Variants in ESRRG observed in about 807,000 individuals in gnomAD.
ESRRG encodes the protein estrogen related receptor gamma.
ESRRG carries 13 observed loss-of-function variants against 44.0 expected under a neutral mutation model. The observed-to-expected ratio is 0.30, with a 90% CI of 0.19 to 0.47. ESRRG has a LOEUF of 0.47. Ranked by LOEUF, ESRRG falls within the 20% of genes least tolerant of loss-of-function variation. The probability of loss-of-function intolerance (pLI) is 1.00; values close to 1 mark genes in which losing one functional copy is unlikely to be tolerated. For synonymous variants in ESRRG, 215 were observed against 214.6 expected (o/e 1.00, Z -0.02); for missense variants, 395 against 580.6 (o/e 0.68, Z 3.29).
intron 3 of ESRRG, among the ~76,000 whole-genome samples, chr1:216,611,702 T>C (rs115457596): frequency 0.021 from 3,216 of 152,040 alleles, 122 homozygotes; most frequent in African/African-American, 0.074. Flanking sequence ...GCCCAGAATC[T>C]ACCGGGGGAC....
At chr1:216,927,117 C>T (rs550343510) in intron 2 of ESRRG, among the ~76,000 whole-genome samples, 11 of 152,042 alleles carry the variant, frequency 7.2e-5, no homozygotes, top group Non-Finnish European at 1.3e-4. Flanking sequence ...AGAGTTCTGC[C>T]GTCTGATAAC....
chr1:216,639,055 A>T (rs534548085), intron 3 of ESRRG, among the ~76,000 whole-genome samples: 1 of 152,290 alleles, frequency 6.6e-6, no homozygotes, highest in South Asian at 2.1e-4. Flanking sequence ...AAATATACTA[A>T]TGATTATGAT....
chr1:217,094,058 A>C (rs937110718), upstream of ESRRG, among the ~76,000 whole-genome samples: 3 of 151,494 alleles, frequency 2.0e-5, no homozygotes, highest in Non-Finnish European at 2.9e-5. Context: ...ATTTTTTTAA[A>C]CTTTTTTGTA....
Position 216,677,490 on chromosome 1 carries a change from GC to G in ESRRG, c.57del (p.Glu19AspfsTer31). The part of the protein sequence containing the change: ...PESFSLHYEE[E>X]LLCRMSNKDR... Reference sequence around the variant, plus strand: ...TCTTTGTTTGACATTCTGCAGAGAAGCCTGAGATTGAGGAGATACAAAGAGA... The same window carrying G: ...TCTTTGTTTGACATTCTGCAGAGAAGCTGAGATTGAGGAGATACAAAGAGA... On this transcript the variant is annotated frameshift_variant and splice_region_variant, in exon 2 of 7. Coordinates refer to ENST00000408911, the MANE Select transcript of ESRRG (RefSeq NM_001438.4). LOFTEE classifies it high-confidence loss of function. The G allele has an allele frequency of 6.2e-7, 1 of 1,600,582 alleles. No individual in the cohort carries two copies. Among genetic ancestry groups the G allele is most frequent in the Non-Finnish European group, 8.5e-7 (1 of 1,171,900 alleles).
intron 5 of ESRRG, among the ~76,000 whole-genome samples, chr1:216,531,129 C>T (rs1034157142): frequency 2.6e-5 from 4 of 152,012 alleles, no homozygotes; most frequent in African/African-American, 2.4e-5. Flanking sequence ...CATGAAAGAA[C>T]GTAGAAGAAA....
chr1:216,947,498 T>C (rs1355240907), intron 1 of ESRRG, among the ~76,000 whole-genome samples: 2 of 152,180 alleles, frequency 1.3e-5, no homozygotes, highest in Non-Finnish European at 2.9e-5. Flanking sequence ...TCAGATGTAT[T>C]TTTTTCAGAA....
chr1:216,835,485 A>G (rs1476071393), intron 2 of ESRRG, among the ~76,000 whole-genome samples: 6 of 152,174 alleles, frequency 3.9e-5, no homozygotes, highest in African/African-American at 1.4e-4. Flanking sequence ...TTACAGGCGC[A>G]CACTCCCAAG....
At chr1:216,702,970 A>T (rs554928854) in intron 1 of ESRRG, among the ~76,000 whole-genome samples, 31 of 152,288 alleles carry the variant, frequency 2.0e-4, no homozygotes, top group African/African-American at 7.5e-4. Context: ...TATATCTTAA[A>T]TTTTAAAAAA....
intron 2 of ESRRG, among the ~76,000 whole-genome samples, chr1:216,869,908 G>T (rs1559929552): frequency 3.3e-5 from 5 of 151,890 alleles, no homozygotes; most frequent in Admixed American, 3.3e-4. Flanking sequence ...AACCTGAAAA[G>T]TTGCTAAATT....
At chr1:216,665,366 T>G (rs2073647907) in intron 2 of ESRRG, among the ~76,000 whole-genome samples, 1 of 152,144 alleles carries the variant, frequency 6.6e-6, no homozygotes, top group Non-Finnish European at 1.5e-5. Flanking sequence ...ATTCCATTTT[T>G]AAAAAGAAAT....
chr1:216,955,349 C>T (rs1413869016), intron 1 of ESRRG, among the ~76,000 whole-genome samples: 1 of 152,176 alleles, frequency 6.6e-6, no homozygotes, highest in African/African-American at 2.4e-5. Flanking sequence ...GGTTCATCCA[C>T]ATTGCTGTGA....
intron 1 of ESRRG, among the ~76,000 whole-genome samples, chr1:216,706,076 T>A (rs1376207465): frequency 6.6e-6 from 1 of 152,172 alleles, no homozygotes; most frequent in South Asian, 2.1e-4. Flanking sequence ...CAGCAACCCC[T>A]GATGTTTCAT....
At chr1:217,005,334 C>T (rs901911488) in intron 1 of ESRRG, among the ~76,000 whole-genome samples, 5 of 152,152 alleles carry the variant, frequency 3.3e-5, no homozygotes, top group African/African-American at 1.2e-4. Flanking sequence ...ATAAGCTGGA[C>T]AGTAAATTAC....
chr1:216,898,215 T>C (rs943218483), intron 2 of ESRRG, among the ~76,000 whole-genome samples: 1 of 152,194 alleles, frequency 6.6e-6, no homozygotes, highest in East Asian at 1.9e-4. Context: ...CCACTCAATT[T>C]ATGAGAATTA....
chr1:216,599,777 C>T (rs1041666320), intron 3 of ESRRG, among the ~76,000 whole-genome samples: 3 of 151,158 alleles, frequency 2.0e-5, no homozygotes, highest in Admixed American at 6.6e-5. Context: ...AAATCTGGCT[C>T]GGGCCTGCTG....
chr1:216,944,836 CA>C (rs768410388), intron 1 of ESRRG, among the ~76,000 whole-genome samples: 2 of 152,036 alleles, frequency 1.3e-5, no homozygotes, highest in Non-Finnish European at 2.9e-5. Context: ...GGGGGAATAA[CA>C]GAGATCAACT....
intron 1 of ESRRG, among the ~76,000 whole-genome samples, chr1:216,687,928 G>T (rs998079903): frequency 4.6e-5 from 7 of 152,078 alleles, no homozygotes; most frequent in Non-Finnish European, 1.0e-4. Context: ...TCACATCAAA[G>T]TCCTTCTCCT....
chr1:216,894,040 T>A (rs1577786657), intron 2 of ESRRG, among the ~76,000 whole-genome samples: 1 of 152,194 alleles, frequency 6.6e-6, no homozygotes, highest in South Asian at 2.1e-4. Flanking sequence ...TTGGCTTCAG[T>A]GTGTGGAAAT....
intron 2 of ESRRG, among the ~76,000 whole-genome samples, chr1:216,929,825 C>G (rs2063094002): frequency 6.6e-6 from 1 of 152,096 alleles, no homozygotes; most frequent in South Asian, 2.1e-4. Flanking sequence ...CTTTATGATG[C>G]TATTCAACTA....
Sources: allele counts gnomAD v4.1 joint callset (sites outside exome capture counted in the v4.1 genomes callset), GRCh38; gene constraint gnomAD v4.1.1; transcripts MANE v1.5; gene names NCBI Gene and HGNC (gene_info 2026-07-23, HGNC 2026-07-21).